The following NPC1 variants were observed in gnomAD, a reference collection of about 807,000 sequenced individuals.
The protein encoded by NPC1 is NPC intracellular cholesterol transporter 1.
Under a neutral mutation model 140.4 loss-of-function variants are expected in NPC1, and 85 were observed. The ratio of observed to expected loss-of-function variants is 0.61; its 90% CI spans 0.51 to 0.72. The LOEUF is 0.72. Among genes scored for constraint, NPC1 ranks in the 30% least tolerant of loss-of-function variants. The pLI is 0.00. For synonymous variants in NPC1, 656 were observed against 624.8 expected (o/e 1.05, Z -0.74); for missense variants, 1,504 against 1,623.8 (o/e 0.93, Z 1.27).
downstream of NPC1, chr18:23,518,949 G>A (rs773276348): frequency 6.2e-7 from 1 of 1,614,190 alleles, no homozygotes; most frequent in Non-Finnish European, 8.5e-7. Context: ...AACAGCACAG[G>A]AGCGGAGGTG....
At chr18:23,541,803 T>C (rs1431596965) in intron 14 of NPC1, among the ~76,000 whole-genome samples, 2 of 152,212 alleles carry the variant, frequency 1.3e-5, no homozygotes, top group Non-Finnish European at 2.9e-5. Flanking sequence ...TTTCCATTTA[T>C]TACATCAACA....
intron 3 of NPC1, among the ~76,000 whole-genome samples, chr18:23,570,608 A>G (rs760839801): frequency 2.7e-4 from 41 of 152,358 alleles, no homozygotes; most frequent in Non-Finnish European, 4.4e-5. Context: ...TGTGCAGAGA[A>G]GCATTTTCCC....
rs371122321 is a variant in NPC1 at position 23,544,537 on chromosome 18, C to G, written c.1948-11G>C. The G allele has an allele frequency of 1.9e-6, 3 of 1,613,640 alleles. No homozygotes were observed. The African/African-American group carries it at 4.0e-5, about 22-fold the overall frequency. On this transcript the variant is annotated splice_polypyrimidine_tract_variant and intron_variant, in intron 12 of 24. Coordinates refer to ENST00000269228, the MANE Select transcript of NPC1 (RefSeq NM_000271.5). Reference sequence around the variant, plus strand: ...GACCTTCGAATCCACCTGAGAGAGGCGACAGACACAATCACCAATTAGTTA... The same window carrying G: ...GACCTTCGAATCCACCTGAGAGAGGGGACAGACACAATCACCAATTAGTTA...
At chr18:23,520,194 C>T, downstream of NPC1, 3 of 1,608,952 alleles carry the variant, frequency 1.9e-6, no homozygotes, top group African/African-American at 2.7e-5. Flanking sequence ...TGTCTTTTTC[C>T]CCCCCAGACA....
intron 10 of NPC1, among the ~76,000 whole-genome samples, chr18:23,548,503 A>G (rs2510337): frequency 6.6e-6 from 1 of 151,978 alleles, no homozygotes; most frequent in African/African-American, 2.4e-5. Context: ...GAGCCACTCC[A>G]CACACACACA....
In NPC1 at chr18:23,544,490, A is replaced by T. The variant is rs768534332; in HGVS notation, c.1984T>A (p.Leu662Met). 8 of 1,614,116 alleles carry T rather than the reference A, an allele frequency of 5.0e-6. No individual in the cohort carries two copies. The highest frequency in any genetic ancestry group is 6.8e-6 in the Non-Finnish European group (8 of 1,180,050). Reference protein sequence around the residue: ...SKVSLGIAGILIVLSSVACSL... With the variant: ...SKVSLGIAGIMIVLSSVACSL... ...CAAGCCACCGAGCTCAGCACGATCAAGATGCCCGCGATGCCTAGTGAGACC... is the reference window on the plus strand; with the variant it reads ...CAAGCCACCGAGCTCAGCACGATCATGATGCCCGCGATGCCTAGTGAGACC... The change falls in exon 13 of 25, where the codon TTG becomes ATG. Residue 662 changes from leucine to methionine, a missense_variant. Transcript: ENST00000269228.
intron 1 of NPC1, among the ~76,000 whole-genome samples, chr18:23,575,240 A>T (rs1446285144): frequency 1.3e-5 from 2 of 152,234 alleles, no homozygotes; most frequent in African/African-American, 4.8e-5. Flanking sequence ...TTGGTACTAT[A>T]GATGTGAATA....
downstream of NPC1, chr18:23,529,904 A>T: frequency 9.1e-7 from 1 of 1,101,502 alleles, no homozygotes; most frequent in Non-Finnish European, 1.3e-6. Context: ...TGCATGACGA[A>T]ACCACTTCTT....
In NPC1 at chr18:23,561,469, T is replaced by C. The variant is rs201249935; in HGVS notation, c.522A>G (p.Gly174=). 5.0e-6 allele frequency: 8 copies of C among 1,613,878 alleles called. No individual in the cohort carries two copies. The highest frequency in any genetic ancestry group is 1.7e-4 in the Middle Eastern group (1 of 6,060). ...EAPSSNDKAL[G]LLCGKDADAC... The stretch of plus-strand genomic sequence containing the variant: ...CGTCAGCGTCCTTCCCACACAGGAG[T>C]CCCAGGGCCTTGTCATTACTTGAGG... Residue 174 remains glycine, a synonymous_variant, in exon 5 of 25, where the codon GGA becomes GGG. Transcript: ENST00000269228.
chr18:23,531,508 CAATGTATTTTATTAAAGAAAAAT>C lies in NPC1; in HGVS notation c.*671_*693del. The C allele has an allele frequency of 6.7e-7, 1 of 1,493,026 alleles. No individual in the cohort carries two copies. The highest frequency in any genetic ancestry group is 8.9e-7 in the Non-Finnish European group (1 of 1,129,050). The allele number at this position is 1,493,026 out of a possible 1,614,324, so 92.5% of individuals were successfully genotyped here. A position where few individuals can be genotyped will look rare whatever the true frequency, so the allele number is the denominator to read the frequency against. On this transcript the variant is annotated 3_prime_UTR_variant, in exon 25 of 25. Transcript: ENST00000269228. ...AGGGTAACCCCAAAACTTAGGAAAA[CAATGTATTTTATTAAAGAAAAAT>C]AAGTTAAAACCCAGTAGACACACCT...
intron 19 of NPC1, 80 bp downstream of exon 19, chr18:23,539,275 G>A: frequency 2.2e-6 from 2 of 925,400 alleles, no homozygotes; most frequent in East Asian, 2.5e-5. Flanking sequence ...TATAAACTGA[G>A]GCACGATGCA....
intron 23 of NPC1, chr18:23,534,107 C>T (rs1299282739): frequency 6.5e-6 from 3 of 461,938 alleles, no homozygotes; most frequent in African/African-American, 5.9e-5. Flanking sequence ...TAGAGTTGAA[C>T]CAAGACGACT....
At chr18:23,546,248 C>CAAAAAAAAAAAA (rs60021403) in intron 11 of NPC1, among the ~76,000 whole-genome samples, 2 of 45,548 alleles carry the variant, frequency 4.4e-5, no homozygotes, top group African/African-American at 1.0e-4. Flanking sequence ...GACTCTGTCT[C>CAAAAAAAAAAAA]AAAAAAAAAA....
In NPC1 at chr18:23,568,822, C is replaced by T; in HGVS notation, c.463+1G>A. On this transcript the variant is annotated splice_donor_variant, in intron 4 of 24. Transcript: ENST00000269228. LOFTEE classifies it high-confidence loss of function. ...AGAGGAATAATTAAAAGTTTACTTA[C>T]CATTGGCAAAACTCTGTCCGACGTA... The T allele has an allele frequency of 1.2e-6, 2 of 1,613,024 alleles. No homozygotes were observed. The highest frequency in any genetic ancestry group is 1.7e-6 in the Non-Finnish European group (2 of 1,179,028).
intron 1 of NPC1, 148 bp downstream of exon 1, chr18:23,586,139 C>T (rs1204477820): frequency 1.2e-6 from 1 of 823,922 alleles, no homozygotes; most frequent in Non-Finnish European, 1.8e-6. Context: ...GAGACAGAAA[C>T]AGGACAAGTG....
intron 1 of NPC1, among the ~76,000 whole-genome samples, chr18:23,581,137 C>T (rs1295850201): frequency 6.6e-6 from 1 of 152,178 alleles, no homozygotes; most frequent in Non-Finnish European, 1.5e-5. Context: ...ATTTAGGAGC[C>T]ACAAAACTAA....
At chr18:23,537,016 G>T in intron 20 of NPC1, 140 bp from the exon 21 acceptor site, 1 of 720,360 alleles carries the variant, frequency 1.4e-6, no homozygotes, top group Non-Finnish European at 2.5e-6. Context: ...GATGAAGAAG[G>T]CCCCCAGATA....
intron 1 of NPC1, among the ~76,000 whole-genome samples, chr18:23,575,769 CAAAAAAAAAAAAAA>C (rs35922440): frequency 8.5e-5 from 3 of 35,106 alleles, no homozygotes; most frequent in Non-Finnish European, 1.2e-4. Context: ...CAGAGAAGAC[CAAAAAAAAAAAAAA>C]AAAAAAAAAA....
chr18:23,510,035 A>G (rs1188717683), intron 3 of NPC1, among the ~76,000 whole-genome samples: 1 of 149,436 alleles, frequency 6.7e-6, no homozygotes, highest in Non-Finnish European at 1.5e-5. Context: ...AAAAAAAAAG[A>G]AAAGAAAAAG....
Sources: gnomAD v4.1 joint callset for allele counts (sites outside exome capture counted in the v4.1 genomes callset) on GRCh38, gnomAD v4.1.1 for gene constraint, MANE v1.5 for transcripts, NCBI Gene and HGNC (gene_info 2026-07-23, HGNC 2026-07-21) for gene names.